The following MYO10 variants were observed in gnomAD, a reference collection of about 807,000 sequenced individuals.
The protein encoded by MYO10 is myosin X.
A neutral mutation model predicts 257.3 loss-of-function variants in MYO10; 133 were observed. The ratio of observed to expected loss-of-function variants is 0.52; its 90% confidence interval spans 0.45 to 0.60. MYO10 has a LOEUF of 0.60. Among genes scored for constraint, MYO10 ranks in the 20% least tolerant of loss-of-function variants. MYO10 has a pLI of 0.00. For missense variants in MYO10, 2,399 were observed against 2,635.7 expected (o/e 0.91, Z 1.97); for synonymous variants, 1,104 against 1,028.6 (o/e 1.07, Z -1.40).
At chr5:16,915,052 G>A (rs1339757225) in intron 1 of MYO10, among the ~76,000 whole-genome samples, 1 of 152,164 alleles carries the variant, frequency 6.6e-6, no homozygotes, top group Non-Finnish European at 1.5e-5. Flanking sequence ...GCTGGGCAAG[G>A]GACTTACATC....
intron 1 of MYO10, among the ~76,000 whole-genome samples, chr5:16,914,261 C>T (rs967766391): frequency 6.6e-5 from 10 of 152,166 alleles, no homozygotes; most frequent in Non-Finnish European, 2.9e-5. Flanking sequence ...CCAGCTCTGC[C>T]GATCCCAACA....
intron 27 of MYO10, among the ~76,000 whole-genome samples, chr5:16,693,893 C>G (rs541588410): frequency 1.3e-5 from 2 of 152,278 alleles, no homozygotes; most frequent in Non-Finnish European, 2.9e-5. Context: ...CCTCTCACTG[C>G]TGGGAATGGG....
intron 29 of MYO10, among the ~76,000 whole-genome samples, chr5:16,685,157 A>T (rs1400775635): frequency 6.6e-6 from 1 of 152,146 alleles, no homozygotes; most frequent in East Asian, 1.9e-4. Flanking sequence ...TTGTTCTTTT[A>T]AAGGTTTGAG....
chr5:16,770,145 T>C (rs1162488565), intron 9 of MYO10, among the ~76,000 whole-genome samples: 1 of 152,098 alleles, frequency 6.6e-6, no homozygotes, highest in Non-Finnish European at 1.5e-5. Context: ...GGCAGGAGTA[T>C]CGCATGAACC....
chr5:16,868,194 C>T (rs900211795), intron 2 of MYO10, among the ~76,000 whole-genome samples: 15 of 152,222 alleles, frequency 9.9e-5, no homozygotes, highest in African/African-American at 3.6e-4. Context: ...CTAAAGAGTG[C>T]TACAGTGACT....
In MYO10 at chr5:16,761,549, A is replaced by G. The variant is rs1410037017; in HGVS notation, c.1657-3T>C. 1.2e-6 allele frequency: 2 copies of G among 1,607,958 alleles called. No homozygotes were observed. Among genetic ancestry groups the G allele is most frequent in the Admixed American group, 1.7e-5 (1 of 59,946 alleles). On this transcript the variant is annotated splice_region_variant and splice_polypyrimidine_tract_variant and intron_variant, in intron 16 of 40. Coordinates refer to ENST00000513610, the MANE Select transcript of MYO10 (RefSeq NM_012334.3). ...ATACCTCGGACATCATATTGCACCT[A>G]GTTTTAATAAATAAGAGAGGAGAAA...
chr5:16,863,575 T>G (rs1167778521), intron 2 of MYO10, among the ~76,000 whole-genome samples: 1 of 152,192 alleles, frequency 6.6e-6, no homozygotes, highest in Non-Finnish European at 1.5e-5. Context: ...GTAAATGGTT[T>G]CAATATGACT....
Position 16,935,768 on chromosome 5 carries a change from C to A in MYO10, c.21+20G>T. The A allele has an allele frequency of 6.2e-7, 1 of 1,613,408 alleles. No homozygotes were observed. On this transcript the variant is annotated intron_variant, in intron 1 of 40. Coordinates refer to ENST00000513610, the MANE Select transcript of MYO10 (RefSeq NM_012334.3). ...TCTCCCTGGGCTCCGGAGGCCAGGT[C>A]GGACTGGGAGCGCACTTACCTCGGT...
At chr5:16,894,270 A>G (rs1045670302) in intron 1 of MYO10, among the ~76,000 whole-genome samples, 9 of 152,156 alleles carry the variant, frequency 5.9e-5, no homozygotes, top group African/African-American at 2.2e-4. Flanking sequence ...CTTCTTTGAT[A>G]GCCTTGACGG....
intron 2 of MYO10, among the ~76,000 whole-genome samples, chr5:16,835,492 G>GGTTTTT (rs1554001243): frequency 8.6e-5 from 7 of 81,082 alleles, no homozygotes; most frequent in South Asian, 5.0e-4. Context: ...ATTTTTGGCT[G>GGTTTTT]TTTTTTTTTT....
chr5:16,781,521 C>T (rs563694538), intron 6 of MYO10, among the ~76,000 whole-genome samples, 184 bp downstream of exon 6: 84 of 152,254 alleles, frequency 5.5e-4, no homozygotes, highest in Admixed American at 5.3e-3. Context: ...GGCACATGTA[C>T]CATGTCCATC....
rs367781827 is a variant in MYO10 at position 16,669,947 on chromosome 5, T to G, written c.5883+579A>C. ...ATCTAAAGGAATGAGCTTGGCTGTG[T>G]TCCAATAAAACTTTGTTTAGAAAAA... On this transcript the variant is annotated intron_variant, in intron 39 of 40. Transcript: ENST00000513610. Among the ~76,000 whole-genome samples the G allele has an allele frequency of 3.7e-4, 56 of 152,316 alleles. No homozygotes were observed. The South Asian group carries it at 0.011, about 31-fold the overall frequency.
chr5:16,794,627 T>G lies in MYO10; in HGVS notation c.467+19A>C. On this transcript the variant is annotated intron_variant, in intron 4 of 40. Transcript: ENST00000513610. The stretch of plus-strand genomic sequence containing the variant: ...CTCCTGGGCCATGGGAAAGTCCGAC[T>G]GGCTGTGAGCCCCGTTACCTGATGA... The G allele has an allele frequency of 6.3e-7, 1 of 1,592,534 alleles. No homozygotes were observed. Among genetic ancestry groups the G allele is most frequent in the South Asian group, 1.1e-5 (1 of 87,144 alleles).
chr5:16,840,439 ATG>A (rs1335964781), intron 2 of MYO10, among the ~76,000 whole-genome samples: 5,652 of 111,930 alleles, frequency 0.05, 342 homozygotes, highest in African/African-American at 0.14. Context: ...GAATGAATGA[ATG>A]AATGAAAGAA....
Position 16,803,228 on chromosome 5 carries a change from G to A in MYO10, c.280-8395C>T, listed in dbSNP as rs147172207. On this transcript the variant is annotated intron_variant, in intron 3 of 40. Transcript: ENST00000513610. ...ATCACTTGAGTCCAGGAGTTAACCA[G>A]CCTGGGCACTAATGTCAAAACCCTG... is the stretch of plus-strand genomic sequence containing the variant. 5.7e-3 allele frequency among the ~76,000 whole-genome samples: 870 copies of A among 152,220 alleles called. 7 individuals carry two copies. The highest frequency in any genetic ancestry group is 0.023 in the Admixed American group (354 of 15,286).
intron 9 of MYO10, among the ~76,000 whole-genome samples, chr5:16,769,717 C>T (rs1417032076): frequency 6.6e-6 from 1 of 152,142 alleles, no homozygotes; most frequent in Non-Finnish European, 1.5e-5. Flanking sequence ...CTATAGCATG[C>T]TCAGAGATAA....
At chr5:16,789,590 C>T (rs191397964) in intron 4 of MYO10, among the ~76,000 whole-genome samples, 2 of 152,052 alleles carry the variant, frequency 1.3e-5, no homozygotes, top group South Asian at 2.1e-4. Flanking sequence ...GAGTTGGAGA[C>T]CAGCCTGACC....
chr5:16,883,430 G>A (rs1744813304), intron 1 of MYO10, among the ~76,000 whole-genome samples: 1 of 152,124 alleles, frequency 6.6e-6, no homozygotes, highest in Non-Finnish European at 1.5e-5. Context: ...ATAGACTAGA[G>A]GGGCTAACAG....
chr5:16,792,062 A>G (rs1741774212), intron 4 of MYO10, among the ~76,000 whole-genome samples: 1 of 151,808 alleles, frequency 6.6e-6, no homozygotes, highest in Admixed American at 6.6e-5. Flanking sequence ...TAACGAGAAG[A>G]CAGTACCTCT....
Sources: allele counts gnomAD v4.1 joint callset (sites outside exome capture counted in the v4.1 genomes callset), GRCh38; gene constraint gnomAD v4.1.1; transcripts MANE v1.5; gene names NCBI Gene and HGNC (gene_info 2026-07-23, HGNC 2026-07-21).